Variants in ZNF514 observed in about 807,000 individuals in gnomAD.
ZNF514 encodes zinc finger protein 514.
A neutral mutation model predicts 9.7 loss-of-function variants in ZNF514; 12 were observed. That is an observed-to-expected ratio of 1.24 (90% confidence interval 0.79 to 2.01). The LOEUF (loss-of-function observed/expected upper bound fraction) is 2.01, where lower values mean the gene tolerates loss of function less well. ZNF514 is among the 30% of genes most tolerant of loss of function. ZNF514 has a pLI of 0.00. For missense variants in ZNF514, 467 were observed against 465.5 expected, an observed-to-expected ratio of 1.00 and a Z score of -0.03; for synonymous variants, 158 against 163.7, an observed-to-expected ratio of 0.97 and a Z score of 0.27.
the ZNF514 span, among the ~76,000 whole-genome samples, chr2:95,137,382 A>C: frequency 6.6e-6 from 1 of 152,354 alleles, no homozygotes; most frequent in African/African-American, 2.4e-5. Context: ...GGTTTTTTCA[A>C]GTGGATATCA....
the ZNF514 span, among the ~76,000 whole-genome samples, chr2:95,126,764 C>T: frequency 6.6e-6 from 1 of 151,304 alleles, no homozygotes; most frequent in South Asian, 2.1e-4. Flanking sequence ...AGCCCATTTT[C>T]TTTTTTTTTC....
chr2:95,123,427 T>G, the ZNF514 span, among the ~76,000 whole-genome samples: 1 of 152,216 alleles, frequency 6.6e-6, no homozygotes, highest in African/African-American at 2.4e-5. Context: ...ACCAGGCACA[T>G]TACTCTTATC....
intron 4 of ZNF514, among the ~76,000 whole-genome samples, chr2:95,152,442 CCAG>C (rs1274140751): frequency 6.6e-6 from 1 of 152,084 alleles, no homozygotes; most frequent in Non-Finnish European, 1.5e-5. Context: ...CACCAATAAC[CCAG>C]AAGGCATGGG....
chr2:95,145,584 A>G lies in ZNF514; in HGVS notation c.*3698T>C, dbSNP rs182542834. 4.6e-5 allele frequency among the ~76,000 whole-genome samples: 7 copies of G among 152,252 alleles called. No individual in the cohort carries two copies. The East Asian group carries it at 1.4e-3, about 29-fold the overall frequency. On this transcript the variant is annotated 3_prime_UTR_variant, in exon 5 of 5. Coordinates refer to ENST00000295208, the MANE Select transcript of ZNF514 (RefSeq NM_032788.3). ...CTATTGATTCCAGGTCTTTGGATAA[A>G]CCCACTGCCAATCAGAAAATCTTTG...
At position 95,145,883 on chromosome 2, in the gene ZNF514, C is replaced by T. The variant is rs1346670476; in HGVS notation, c.*3399G>A. Among the ~76,000 whole-genome samples the T allele has an allele frequency of 1.3e-5, 2 of 152,224 alleles. No homozygotes were observed. Among genetic ancestry groups the T allele is most frequent in the Admixed American group, 1.3e-4 (2 of 15,286 alleles). On this transcript the variant is annotated 3_prime_UTR_variant, in exon 5 of 5. Transcript: ENST00000295208. ...CCTTTGCACTTCCTACAAGATAAAT[C>T]CTCACTCCCGTGTTTGGTAATGTCC...
chr2:95,141,545 C>T (rs912180262), downstream of ZNF514, among the ~76,000 whole-genome samples: 7 of 152,178 alleles, frequency 4.6e-5, no homozygotes, highest in African/African-American at 7.2e-5. Context: ...GGGTAAAGGA[C>T]TCAAGTACTG....
At chr2:95,138,882 C>G in the ZNF514 span, among the ~76,000 whole-genome samples, 1 of 152,232 alleles carries the variant, frequency 6.6e-6, no homozygotes, top group African/African-American at 2.4e-5. Context: ...CTGTCACAGG[C>G]CCTGAGGCCT....
the ZNF514 span, among the ~76,000 whole-genome samples, chr2:95,126,092 C>T: frequency 2.0e-5 from 3 of 152,026 alleles, no homozygotes; most frequent in East Asian, 1.9e-4. Flanking sequence ...AACTGCCAGC[C>T]GGGCATGGTG....
chr2:95,140,608 A>G (rs553584668), downstream of ZNF514, among the ~76,000 whole-genome samples: 1 of 151,964 alleles, frequency 6.6e-6, no homozygotes, highest in South Asian at 2.1e-4. Context: ...GCAAGACTTC[A>G]TCTTGAAAAA....
chr2:95,150,272 TAAAAAAAAAAA>T lies in ZNF514; in HGVS notation c.218-16_218-6del. ...ATTTAGACCTTCTCTTCCAGTCTGT[TAAAAAAAAAAA>T]AAAAAAAAGAAGACATTCTAGTATG... On this transcript the variant is annotated splice_polypyrimidine_tract_variant and splice_region_variant and intron_variant, in intron 4 of 4. Coordinates refer to ENST00000295208, the MANE Select transcript of ZNF514 (RefSeq NM_032788.3). 8.1e-7 allele frequency: 1 copy of T among 1,231,486 alleles called. No homozygotes were observed. Among genetic ancestry groups the T allele is most frequent in the South Asian group, 1.8e-5 (1 of 54,340 alleles). 76.3% of individuals were successfully genotyped at this position (1,231,486 alleles called of 1,614,324 possible). A position where few individuals can be genotyped will look rare whatever the true frequency, so the allele number is the denominator to read the frequency against.
rs530279431 is a variant in ZNF514 at position 95,159,646 on chromosome 2, A to G, written c.-502T>C. The G allele has an allele frequency of 2.2e-3, 69 of 30,998 alleles. 1 individual carries two copies. The highest frequency in any genetic ancestry group is 3.1e-3 in the Admixed American group (11 of 3,542). The allele number at this position is 30,998 out of a possible 1,614,324, so 1.9% of individuals were successfully genotyped here. The stretch of plus-strand genomic sequence containing the variant: ...CACCCCGCGCCAGCCCCCGCCCGCC[A>G]CCCCGCGCCAGCCCCCGCCCGCCAC... On this transcript the variant is annotated 5_prime_UTR_variant, in exon 1 of 5. Transcript: ENST00000295208.
the ZNF514 span, among the ~76,000 whole-genome samples, chr2:95,135,523 G>A: frequency 6.6e-6 from 1 of 150,966 alleles, no homozygotes; most frequent in Non-Finnish European, 1.5e-5. Flanking sequence ...CTGGGCTCAA[G>A]CAATCCTCCT....
rs528446685 is a variant in ZNF514 at position 95,149,600 on chromosome 2, T to C, written c.885A>G (p.Arg295=). The change falls in exon 5 of 5, where the codon CGA becomes CGG. Residue 295 remains arginine, a synonymous_variant. Transcript: ENST00000295208. The part of the protein sequence containing the change: ...EKPYKCNECG[R]AFGHTSSLIK... ...TAAGGGATGAAGTGTGACCAAAGGC[T>C]CGTCCACATTCATTACATTTGTAGG... 6.2e-6 allele frequency: 10 copies of C among 1,612,764 alleles called. No homozygotes were observed. In the South Asian group the frequency reaches 9.9e-5, roughly 16 times the overall value.
chr2:95,125,785 G>A, the ZNF514 span, among the ~76,000 whole-genome samples: 1 of 152,174 alleles, frequency 6.6e-6, no homozygotes, highest in Non-Finnish European at 1.5e-5. Flanking sequence ...GCGTGTGCCA[G>A]AATGTCCTTA....
At chr2:95,134,274 GC>G in the ZNF514 span, among the ~76,000 whole-genome samples, 4 of 151,962 alleles carry the variant, frequency 2.6e-5, no homozygotes, top group African/African-American at 9.7e-5. Context: ...AGCAAATTAG[GC>G]CTCAGTCTTA....
At chr2:95,153,103 C>A in intron 3 of ZNF514, 30 bp downstream of exon 3, 1 of 1,598,910 alleles carries the variant, frequency 6.3e-7, no homozygotes, top group Non-Finnish European at 8.6e-7. Context: ...AGAAGTCCTG[C>A]TGGGTGGGCT....
chr2:95,140,082 A>G (rs1035924658), downstream of ZNF514, among the ~76,000 whole-genome samples: 17 of 152,234 alleles, frequency 1.1e-4, no homozygotes, highest in South Asian at 1.2e-3. Context: ...TTGAACAGTG[A>G]GAACACTTGG....
the ZNF514 span, among the ~76,000 whole-genome samples, chr2:95,124,586 C>T: frequency 0.57 from 86,283 of 151,802 alleles, 25,012 homozygotes; most frequent in Non-Finnish European, 0.62. Context: ...CTGCAACCTC[C>T]GTCTCCTGGG....
chr2:95,127,407 G>T, the ZNF514 span, among the ~76,000 whole-genome samples: 8 of 152,230 alleles, frequency 5.3e-5, no homozygotes, highest in Admixed American at 4.6e-4. Context: ...AACACCAAAG[G>T]TCAACACCAA....
Sources: allele counts gnomAD v4.1 joint callset (sites outside exome capture counted in the v4.1 genomes callset), GRCh38; gene constraint gnomAD v4.1.1; transcripts MANE v1.5; gene names NCBI Gene and HGNC (gene_info 2026-07-23, HGNC 2026-07-21).